The following NXPH2 variants were observed in gnomAD, a reference collection of about 807,000 sequenced individuals.
The protein encoded by NXPH2 is neurexophilin 2.
NXPH2 carries 5 observed loss-of-function variants against 19.8 expected under a neutral mutation model. The observed-to-expected ratio is 0.25, with a 90% CI of 0.13 to 0.53. The LOEUF (loss-of-function observed/expected upper bound fraction) is 0.53, where lower values mean the gene tolerates loss of function less well. Ranked by LOEUF, NXPH2 falls within the 20% of genes least tolerant of loss-of-function variation. The pLI is 0.96. For synonymous variants in NXPH2, 154 were observed against 127.4 expected, an observed-to-expected ratio of 1.21 and a Z score of -1.41; for missense variants, 289 against 322.8, an observed-to-expected ratio of 0.90 and a Z score of 0.80.
At chr2:138,772,832 G>A (rs896086980) in intron 1 of NXPH2, among the ~76,000 whole-genome samples, 2 of 152,162 alleles carry the variant, frequency 1.3e-5, no homozygotes, top group Non-Finnish European at 1.5e-5. Context: ...TGGATGATTC[G>A]AATTTACAAT....
intron 1 of NXPH2, among the ~76,000 whole-genome samples, chr2:138,689,877 T>A (rs1398780954): frequency 6.6e-6 from 1 of 152,130 alleles, no homozygotes; most frequent in Non-Finnish European, 1.5e-5. Flanking sequence ...GATGTACAGA[T>A]CACACTGGCA....
At chr2:138,745,909 A>T (rs191662964) in intron 1 of NXPH2, among the ~76,000 whole-genome samples, 2 of 152,334 alleles carry the variant, frequency 1.3e-5, no homozygotes, top group African/African-American at 2.4e-5. Flanking sequence ...AATACAAAAT[A>T]ATTAAAGAGT....
intron 1 of NXPH2, among the ~76,000 whole-genome samples, chr2:138,737,275 C>A (rs943723907): frequency 6.6e-6 from 1 of 152,144 alleles, no homozygotes; most frequent in African/African-American, 2.4e-5. Context: ...TTCCACATAG[C>A]TGGGGAGGCC....
At chr2:138,672,891 T>C (rs1263158030) in intron 1 of NXPH2, among the ~76,000 whole-genome samples, 1 of 152,196 alleles carries the variant, frequency 6.6e-6, no homozygotes, top group Admixed American at 6.5e-5. Flanking sequence ...GACTAGACGG[T>C]ATAGTTTGAT....
chr2:138,693,824 G>A (rs1452934603), intron 1 of NXPH2, among the ~76,000 whole-genome samples: 3 of 152,138 alleles, frequency 2.0e-5, no homozygotes, highest in African/African-American at 7.2e-5. Context: ...CTATGACAGT[G>A]TTATGGGTTG....
At chr2:138,726,717 A>G (rs1438237198) in intron 1 of NXPH2, among the ~76,000 whole-genome samples, 1 of 152,072 alleles carries the variant, frequency 6.6e-6, no homozygotes, top group Non-Finnish European at 1.5e-5. Context: ...ATCCTCCCCC[A>G]TTGTCAGCAT....
At chr2:138,696,377 T>C (rs190411962) in intron 1 of NXPH2, among the ~76,000 whole-genome samples, 4 of 152,186 alleles carry the variant, frequency 2.6e-5, no homozygotes, top group Admixed American at 2.0e-4. Context: ...AATAAAGAAC[T>C]CATCCAACTT....
chr2:138,689,289 T>A (rs756809183), intron 1 of NXPH2, among the ~76,000 whole-genome samples: 1 of 152,204 alleles, frequency 6.6e-6, no homozygotes, highest in African/African-American at 2.4e-5. Flanking sequence ...CTACTAGTTT[T>A]AGCCCTTGGA....
intron 1 of NXPH2, among the ~76,000 whole-genome samples, chr2:138,742,071 C>T (rs1375684877): frequency 6.6e-6 from 1 of 152,144 alleles, no homozygotes; most frequent in Non-Finnish European, 1.5e-5. Flanking sequence ...GAGATCAACA[C>T]AAAATTTGGA....
At chr2:138,673,472 G>T (rs1303216531) in intron 1 of NXPH2, among the ~76,000 whole-genome samples, 1 of 152,064 alleles carries the variant, frequency 6.6e-6, no homozygotes, top group Non-Finnish European at 1.5e-5. Flanking sequence ...AGAGTATTTA[G>T]GGTATACATC....
intron 1 of NXPH2, among the ~76,000 whole-genome samples, chr2:138,729,530 T>C (rs1681412221): frequency 6.6e-6 from 1 of 152,216 alleles, no homozygotes; most frequent in African/African-American, 2.4e-5. Context: ...ACAGTGCCTT[T>C]AAAAAATAGA....
intron 1 of NXPH2, among the ~76,000 whole-genome samples, chr2:138,755,593 T>C (rs1456324358): frequency 2.0e-5 from 3 of 152,102 alleles, no homozygotes; most frequent in African/African-American, 7.2e-5. Flanking sequence ...TAATAGTAAG[T>C]CTTAAAATCA....
chr2:138,769,539 C>A (rs1051248392), intron 1 of NXPH2, among the ~76,000 whole-genome samples: 2 of 152,148 alleles, frequency 1.3e-5, no homozygotes, highest in African/African-American at 4.8e-5. Context: ...AAGAGTAAAT[C>A]AAAATAATGG....
intron 1 of NXPH2, among the ~76,000 whole-genome samples, chr2:138,760,619 C>T (rs988746598): frequency 2.0e-5 from 3 of 152,140 alleles, no homozygotes; most frequent in African/African-American, 7.2e-5. Flanking sequence ...GTCATCTCAT[C>T]TCAAAAACTG....
intron 1 of NXPH2, among the ~76,000 whole-genome samples, chr2:138,722,360 C>T (rs1573966680): frequency 6.6e-6 from 1 of 152,210 alleles, no homozygotes; most frequent in Non-Finnish European, 1.5e-5. Context: ...AAATGCCCTA[C>T]AGCAGAAGAA....
intron 1 of NXPH2, 39 bp downstream of exon 1, chr2:138,780,152 T>C: frequency 6.8e-7 from 1 of 1,470,492 alleles, no homozygotes; most frequent in Non-Finnish European, 8.9e-7. Context: ...CCGAAACGCG[T>C]CCCCGGCGTG....
intron 1 of NXPH2, among the ~76,000 whole-genome samples, chr2:138,748,594 CCT>C (rs923979885): frequency 6.6e-6 from 1 of 151,404 alleles, no homozygotes; most frequent in Non-Finnish European, 1.5e-5. Context: ...TCTCTCTTTC[CCT>C]CTCTCTCTCT....
intron 1 of NXPH2, among the ~76,000 whole-genome samples, chr2:138,770,800 T>C (rs12474418): frequency 0.13 from 19,958 of 151,980 alleles, 1,493 homozygotes; most frequent in East Asian, 0.19. Flanking sequence ...AAAGAAACTA[T>C]AAAATTTAAA....
intron 1 of NXPH2, among the ~76,000 whole-genome samples, chr2:138,699,351 C>CA (rs1680882269): frequency 6.6e-6 from 1 of 152,054 alleles, no homozygotes. Flanking sequence ...CTCCCTTATC[C>CA]AATCACGGCT....
Sources: gnomAD v4.1 joint callset for allele counts (sites outside exome capture counted in the v4.1 genomes callset) on GRCh38, gnomAD v4.1.1 for gene constraint, MANE v1.5 for transcripts, NCBI Gene and HGNC (gene_info 2026-07-23, HGNC 2026-07-21) for gene names.